Variants in PRTFDC1 observed in about 807,000 individuals in gnomAD.
The protein encoded by PRTFDC1 is phosphoribosyltransferase domain-containing protein 1.
Under a neutral mutation model 34.6 loss-of-function variants are expected in PRTFDC1, and 38 were observed. That is an observed-to-expected ratio of 1.10 (90% CI 0.85 to 1.44). The LOEUF (loss-of-function observed/expected upper bound fraction) is 1.44. PRTFDC1 is among the 40% of genes most tolerant of loss of function. The probability of loss-of-function intolerance (pLI) is 0.00; values close to 1 mark genes in which losing one functional copy is unlikely to be tolerated. For synonymous variants in PRTFDC1, 93 were observed against 98.1 expected (o/e 0.95, Z 0.31); for missense variants, 270 against 283.0 (o/e 0.95, Z 0.33).
At chr10:24,865,078 T>A (rs2132502623) in intron 4 of PRTFDC1, among the ~76,000 whole-genome samples, 1 of 152,248 alleles carries the variant, frequency 6.6e-6, no homozygotes, top group Admixed American at 6.5e-5. Flanking sequence ...ATCGTGCCAC[T>A]GCACTCCAGC....
chr10:24,941,547 G>C (rs1849158154), intron 2 of PRTFDC1, among the ~76,000 whole-genome samples: 1 of 151,924 alleles, frequency 6.6e-6, no homozygotes, highest in Non-Finnish European at 1.5e-5. Context: ...ACATTCTTGG[G>C]CCCCACCCTA....
chr10:24,875,113 G>A (rs903930374), intron 3 of PRTFDC1, among the ~76,000 whole-genome samples: 3 of 152,068 alleles, frequency 2.0e-5, no homozygotes, highest in Non-Finnish European at 4.4e-5. Context: ...CCAGTCTCAG[G>A]TATGTGTTGG....
chr10:24,923,253 G>A (rs1848818354), intron 3 of PRTFDC1, among the ~76,000 whole-genome samples: 1 of 152,218 alleles, frequency 6.6e-6, no homozygotes, highest in African/African-American at 2.4e-5. Flanking sequence ...GTCAACTTCT[G>A]CAGACTTAAA....
intron 3 of PRTFDC1, among the ~76,000 whole-genome samples, chr10:24,934,330 G>GC (rs1849017369): frequency 6.6e-6 from 1 of 152,038 alleles, no homozygotes; most frequent in Non-Finnish European, 1.5e-5. Context: ...AAAATTCTAA[G>GC]CCCCCCAGCT....
intron 1 of PRTFDC1, among the ~76,000 whole-genome samples, chr10:24,951,258 C>T (rs1263099515): frequency 6.6e-6 from 1 of 152,034 alleles, no homozygotes; most frequent in Non-Finnish European, 1.5e-5. Flanking sequence ...TATCCTGTTA[C>T]CCTCCTCCTA....
intron 3 of PRTFDC1, among the ~76,000 whole-genome samples, chr10:24,919,520 T>A (rs1848747891): frequency 6.6e-6 from 1 of 152,028 alleles, no homozygotes; most frequent in Admixed American, 6.6e-5. Context: ...AACCCAAAAC[T>A]ATAAAAACTC....
chr10:24,907,227 G>A (rs943540933), intron 3 of PRTFDC1, among the ~76,000 whole-genome samples: 1 of 151,676 alleles, frequency 6.6e-6, no homozygotes, highest in Non-Finnish European at 1.5e-5. Flanking sequence ...AAAAAATGAA[G>A]TAAAAATGGA....
At chr10:24,936,032 T>C (rs1184068634) in intron 3 of PRTFDC1, among the ~76,000 whole-genome samples, 1 of 152,168 alleles carries the variant, frequency 6.6e-6, no homozygotes, top group East Asian at 1.9e-4. Context: ...TTTAAGATAA[T>C]ACACGTGTAT....
At chr10:24,889,089 C>A (rs572289763) in intron 3 of PRTFDC1, among the ~76,000 whole-genome samples, 6 of 152,192 alleles carry the variant, frequency 3.9e-5, no homozygotes, top group African/African-American at 9.6e-5. Context: ...GAGGTGGGGA[C>A]TTTGGGGGGT....
At chr10:24,881,902 T>G (rs1234314943) in intron 3 of PRTFDC1, among the ~76,000 whole-genome samples, 1 of 151,974 alleles carries the variant, frequency 6.6e-6, no homozygotes, top group African/African-American at 2.4e-5. Flanking sequence ...GGATAATTCT[T>G]ATTCTTTCTT....
At chr10:24,855,702 G>A (rs1239361486) in intron 6 of PRTFDC1, among the ~76,000 whole-genome samples, 2 of 152,124 alleles carry the variant, frequency 1.3e-5, no homozygotes, top group African/African-American at 4.8e-5. Flanking sequence ...GGCTGAGGTG[G>A]GAGGATTGTT....
At position 24,902,850 on chromosome 10, in the gene PRTFDC1, G is replaced by A. The variant is rs142691081; in HGVS notation, c.340-30787C>T. ...AATATCTGCTGATTTTAAGAAGGTCGTGAAAGACTGAGTTAGATTATTTGG... is the reference window on the plus strand; with the variant it reads ...AATATCTGCTGATTTTAAGAAGGTCATGAAAGACTGAGTTAGATTATTTGG... On this transcript the variant is annotated intron_variant, in intron 3 of 8. Coordinates refer to ENST00000320152, the MANE Select transcript of PRTFDC1 (RefSeq NM_020200.7). Among the ~76,000 whole-genome samples, 1,141 of 152,266 alleles carry A rather than the reference G, an allele frequency of 7.5e-3. 11 individuals carry two copies. The highest frequency in any genetic ancestry group is 0.019 in the South Asian group (92 of 4,820).
intron 3 of PRTFDC1, among the ~76,000 whole-genome samples, chr10:24,933,263 G>A (rs938378012): frequency 1.3e-5 from 2 of 151,344 alleles, no homozygotes; most frequent in Non-Finnish European, 2.9e-5. Context: ...TAGATTAACT[G>A]AACTTAAAAA....
At chr10:24,928,692 T>A (rs112526177) in intron 3 of PRTFDC1, among the ~76,000 whole-genome samples, 48,983 of 151,628 alleles carry the variant, frequency 0.32, 9,328 homozygotes, top group African/African-American at 0.53. Context: ...AATTGGCCCA[T>A]CTCGGCCTCC....
chr10:24,869,193 C>T (rs1015712470), intron 4 of PRTFDC1, among the ~76,000 whole-genome samples: 15 of 151,696 alleles, frequency 9.9e-5, no homozygotes, highest in Non-Finnish European at 1.5e-4. Context: ...GAGTGAACAG[C>T]GTGGGTCATA....
intron 3 of PRTFDC1, among the ~76,000 whole-genome samples, chr10:24,898,268 G>A (rs552585026): frequency 1.5e-5 from 2 of 136,432 alleles, no homozygotes; most frequent in East Asian, 2.2e-4. Flanking sequence ...TGGGAAACAT[G>A]GGGAAATCCC....
intron 3 of PRTFDC1, chr10:24,908,746 G>C: frequency 6.7e-7 from 1 of 1,499,346 alleles, no homozygotes; most frequent in South Asian, 1.3e-5. Context: ...TAGCCAGCCC[G>C]ATCAGCCTGA....
intron 3 of PRTFDC1, among the ~76,000 whole-genome samples, chr10:24,899,188 G>A (rs576062620): frequency 5.3e-5 from 8 of 152,150 alleles, no homozygotes; most frequent in African/African-American, 1.9e-4. Context: ...GGAGTGAATG[G>A]AATACCACCG....
intron 3 of PRTFDC1, among the ~76,000 whole-genome samples, chr10:24,887,075 A>G (rs953062056): frequency 6.7e-4 from 96 of 143,034 alleles, no homozygotes; most frequent in Middle Eastern, 3.9e-3. Flanking sequence ...GGTTCACGCC[A>G]TTCTCCTGCC....
Sources: gnomAD v4.1 joint callset for allele counts (sites outside exome capture counted in the v4.1 genomes callset) on GRCh38, gnomAD v4.1.1 for gene constraint, MANE v1.5 for transcripts, NCBI Gene and HGNC (gene_info 2026-07-23, HGNC 2026-07-21) for gene names.